The following PIP5K1B variants were observed in gnomAD, a reference collection of about 807,000 sequenced individuals.
The protein encoded by PIP5K1B is phosphatidylinositol 4-phosphate 5-kinase type-1 beta.
Under a neutral mutation model 67.0 loss-of-function variants are expected in PIP5K1B, and 42 were observed. The ratio of observed to expected loss-of-function variants is 0.63; its 90% CI spans 0.49 to 0.81. The LOEUF is 0.81. Among genes scored for constraint, PIP5K1B ranks in the 30% least tolerant of loss-of-function variants. The probability of loss-of-function intolerance (pLI) is 0.00; values close to 1 mark genes in which losing one functional copy is unlikely to be tolerated. For missense variants in PIP5K1B, 459 were observed against 646.3 expected, an observed-to-expected ratio of 0.71 and a Z score of 3.14; for synonymous variants, 214 against 231.4, an observed-to-expected ratio of 0.92 and a Z score of 0.68.
chr9:68,720,974 TCTTA>T (rs1340505006), intron 1 of PIP5K1B, among the ~76,000 whole-genome samples: 3 of 152,234 alleles, frequency 2.0e-5, no homozygotes, highest in Non-Finnish European at 4.4e-5. Context: ...TTTCTTAAAC[TCTTA>T]CTTTATACCA....
At chr9:68,908,390 A>C (rs1825714455) in intron 8 of PIP5K1B, among the ~76,000 whole-genome samples, 1 of 151,872 alleles carries the variant, frequency 6.6e-6, no homozygotes, top group East Asian at 1.9e-4. Flanking sequence ...ATATATATAC[A>C]TGTATATGAA....
chr9:68,830,442 A>AC (rs56250205), intron 4 of PIP5K1B, among the ~76,000 whole-genome samples: 143,191 of 152,164 alleles, frequency 0.94, 67,599 homozygotes, highest in Non-Finnish European at 0.98. Context: ...GAGCGAGCCA[A>AC]CCCTCTCATT....
chr9:68,973,736 T>C (rs569607475), intron 14 of PIP5K1B, among the ~76,000 whole-genome samples: 1 of 152,322 alleles, frequency 6.6e-6, no homozygotes, highest in South Asian at 2.1e-4. Context: ...AAGGGTGGAA[T>C]TCAGAGCTCC....
Position 68,742,560 on chromosome 9 carries a change from C to T in PIP5K1B, c.-183C>T, listed in dbSNP as rs759104623. ...GACTGCAGAGCCGTCCAACCCCAGT[C>T]CTGTGACCTTTCTCTGGTGCCTGAT... On this transcript the variant is annotated 5_prime_UTR_variant, in exon 2 of 16. Coordinates refer to ENST00000265382, the MANE Select transcript of PIP5K1B (RefSeq NM_003558.4). The T allele has an allele frequency of 6.6e-6, 1 of 152,236 alleles. No individual in the cohort carries two copies. Among genetic ancestry groups the T allele is most frequent in the Non-Finnish European group, 1.5e-5 (1 of 68,060 alleles). The allele number at this position is 152,236 out of a possible 1,614,324, so 9.4% of individuals were successfully genotyped here. A position where few individuals can be genotyped will look rare whatever the true frequency, so the allele number is the denominator to read the frequency against.
chr9:68,770,759 C>T (rs1395750260), intron 2 of PIP5K1B, among the ~76,000 whole-genome samples: 1 of 152,170 alleles, frequency 6.6e-6, no homozygotes, highest in Non-Finnish European at 1.5e-5. Flanking sequence ...TTCCACTGCC[C>T]ACCCCATCCC....
chr9:68,894,682 C>G, intron 8 of PIP5K1B, 44 bp downstream of exon 8: 1 of 1,554,020 alleles, frequency 6.4e-7, no homozygotes, highest in Non-Finnish European at 8.8e-7. Context: ...ACTCTGTGCT[C>G]ATGTAAACTG....
chr9:68,768,225 G>A (rs1348529114), intron 2 of PIP5K1B, among the ~76,000 whole-genome samples: 1 of 152,154 alleles, frequency 6.6e-6, no homozygotes, highest in Non-Finnish European at 1.5e-5. Flanking sequence ...TAAGATGGAT[G>A]GCTAGTTATA....
chr9:68,830,271 A>G (rs1006456187), intron 4 of PIP5K1B, among the ~76,000 whole-genome samples: 3 of 152,016 alleles, frequency 2.0e-5, no homozygotes, highest in Admixed American at 6.6e-5. Flanking sequence ...GTTACCATGC[A>G]CCCCCCGCCC....
intron 2 of PIP5K1B, among the ~76,000 whole-genome samples, chr9:68,752,409 T>G (rs1452303908): frequency 6.6e-6 from 1 of 152,216 alleles, no homozygotes; most frequent in Admixed American, 6.5e-5. Context: ...GCTTTTTAAG[T>G]TAACATTTGT....
At position 68,860,459 on chromosome 9, in the gene PIP5K1B, T is replaced by C. The variant is rs567239900; in HGVS notation, c.70-3378T>C. Among the ~76,000 whole-genome samples, 14 of 152,294 alleles carry C rather than the reference T, an allele frequency of 9.2e-5. No homozygotes were observed. In the South Asian group the frequency reaches 2.5e-3, roughly 27 times the overall value. ...ACAGCTTTACCAAGAAGTTTACAAG[T>C]TTTTCCTTGGCTTACCCGTGGGTGG... On this transcript the variant is annotated intron_variant, in intron 4 of 15. Coordinates refer to ENST00000265382, the MANE Select transcript of PIP5K1B (RefSeq NM_003558.4).
chr9:68,805,446 C>T (rs1241073325), intron 2 of PIP5K1B, among the ~76,000 whole-genome samples: 2 of 152,164 alleles, frequency 1.3e-5, no homozygotes, highest in South Asian at 2.1e-4. Flanking sequence ...GCAGGGACTG[C>T]GTATGGTGTG....
At chr9:68,809,278 T>TTTGTTGTTG (rs78628915) in intron 2 of PIP5K1B, among the ~76,000 whole-genome samples, 1 of 151,978 alleles carries the variant, frequency 6.6e-6, no homozygotes, top group African/African-American at 2.4e-5. Flanking sequence ...TCTCCTGCTT[T>TTTGTTGTTG]TTGTTGTTGT....
intron 5 of PIP5K1B, among the ~76,000 whole-genome samples, chr9:68,871,299 C>T (rs1357620329): frequency 6.6e-6 from 1 of 152,210 alleles, no homozygotes; most frequent in African/African-American, 2.4e-5. Flanking sequence ...TAAGCCATTC[C>T]TATCTGCTTA....
intron 2 of PIP5K1B, among the ~76,000 whole-genome samples, chr9:68,771,828 G>C (rs1192417976): frequency 6.6e-6 from 1 of 152,186 alleles, no homozygotes; most frequent in Admixed American, 6.5e-5. Context: ...TCAGATGGCT[G>C]AGCTCTGTGG....
At chr9:68,813,041 G>C (rs1833253317) in intron 2 of PIP5K1B, among the ~76,000 whole-genome samples, 1 of 152,204 alleles carries the variant, frequency 6.6e-6, no homozygotes, top group African/African-American at 2.4e-5. Context: ...TAAGCAGTAA[G>C]CAATACAGTA....
chr9:68,956,473 A>G (rs1182361002), intron 14 of PIP5K1B, among the ~76,000 whole-genome samples: 20 of 152,228 alleles, frequency 1.3e-4, no homozygotes, highest in Non-Finnish European at 4.4e-5. Flanking sequence ...GTCTCAGAAA[A>G]AAAAAGAAAG....
intron 7 of PIP5K1B, 59 bp downstream of exon 7, chr9:68,889,192 T>C: frequency 7.4e-7 from 1 of 1,355,006 alleles, no homozygotes; most frequent in Non-Finnish European, 1.0e-6. Context: ...TCCTCAACAG[T>C]TTTTTTCTGT....
At chr9:68,811,330 G>T (rs1833152258) in intron 2 of PIP5K1B, among the ~76,000 whole-genome samples, 1 of 152,038 alleles carries the variant, frequency 6.6e-6, no homozygotes, top group South Asian at 2.1e-4. Context: ...CTCTTCCTGT[G>T]TTCTGTATCA....
chr9:68,902,332 T>C lies in PIP5K1B; in HGVS notation c.771+7694T>C, dbSNP rs945728679. On this transcript the variant is annotated intron_variant, in intron 8 of 15. Coordinates refer to ENST00000265382, the MANE Select transcript of PIP5K1B (RefSeq NM_003558.4). ...TGTTTTCCATCTCTGTAATTTTATCTTTTCGAGAATGCTGTATAAATGGAA... is the reference window on the plus strand; with the variant it reads ...TGTTTTCCATCTCTGTAATTTTATCCTTTCGAGAATGCTGTATAAATGGAA... Among the ~76,000 whole-genome samples the C allele has an allele frequency of 3.9e-5, 6 of 152,198 alleles. No individual in the cohort carries two copies. In the South Asian group the frequency reaches 1.2e-3, roughly 31 times the overall value.
Sources: gnomAD v4.1 joint callset for allele counts (sites outside exome capture counted in the v4.1 genomes callset) on GRCh38, gnomAD v4.1.1 for gene constraint, MANE v1.5 for transcripts, NCBI Gene and HGNC (gene_info 2026-07-23, HGNC 2026-07-21) for gene names.